Variants in SLC4A4 observed in about 807,000 individuals in gnomAD.
The protein encoded by SLC4A4 is electrogenic sodium bicarbonate cotransporter 1.
In SLC4A4, 27 loss-of-function variants were observed where a neutral mutation model predicts 111.5. That is an observed-to-expected ratio of 0.24 (90% CI 0.18 to 0.33). The LOEUF is 0.33. Ranked by LOEUF, SLC4A4 falls within the 10% of genes least tolerant of loss-of-function variation. The pLI is 1.00. For missense variants in SLC4A4, 909 were observed against 1,315.5 expected (o/e 0.69, Z 4.78); for synonymous variants, 443 against 463.4 (o/e 0.96, Z 0.57).
intron 2 of SLC4A4, among the ~76,000 whole-genome samples, chr4:71,106,764 G>A (rs1171928532): frequency 1.6e-5 from 2 of 125,102 alleles, no homozygotes; most frequent in African/African-American, 3.0e-5. Flanking sequence ...CACACTCTGG[G>A]GACTGTTGTG....
At chr4:71,375,725 G>T (rs529765535) in intron 6 of SLC4A4, among the ~76,000 whole-genome samples, 1 of 152,136 alleles carries the variant, frequency 6.6e-6, no homozygotes, top group African/African-American at 2.4e-5. Flanking sequence ...ACAAACTGTG[G>T]CCTATGTACA....
At chr4:71,302,315 T>G (rs1281159960) in intron 3 of SLC4A4, among the ~76,000 whole-genome samples, 1 of 152,232 alleles carries the variant, frequency 6.6e-6, no homozygotes, top group Non-Finnish European at 1.5e-5. Flanking sequence ...GACAAGTCCC[T>G]TAATGTTTCT....
At chr4:71,490,235 T>G (rs765581965) in intron 15 of SLC4A4, among the ~76,000 whole-genome samples, 1 of 151,852 alleles carries the variant, frequency 6.6e-6, no homozygotes, top group Non-Finnish European at 1.5e-5. Flanking sequence ...TTTCCAGCTC[T>G]CAGAGTGTGA....
At chr4:71,400,850 G>A (rs1213359380) in intron 7 of SLC4A4, among the ~76,000 whole-genome samples, 1 of 151,676 alleles carries the variant, frequency 6.6e-6, no homozygotes, top group Non-Finnish European at 1.5e-5. Flanking sequence ...TTTCTTCTCT[G>A]TTTGGACAGG....
intron 6 of SLC4A4, among the ~76,000 whole-genome samples, chr4:71,367,528 T>C (rs1433591358): frequency 6.6e-6 from 1 of 152,166 alleles, no homozygotes; most frequent in Admixed American, 6.5e-5. Context: ...CACTTAGTTG[T>C]CAAAAGAAAT....
chr4:71,156,573 T>TGTGC (rs1553957302), intron 2 of SLC4A4, among the ~76,000 whole-genome samples: 1 of 85,642 alleles, frequency 1.2e-5, no homozygotes, highest in South Asian at 3.0e-4. Context: ...TGTGCGCGCA[T>TGTGC]GCGCGCGCGC....
chr4:71,138,994 C>CCT (rs1743922025), intron 2 of SLC4A4, among the ~76,000 whole-genome samples: 2 of 142,778 alleles, frequency 1.4e-5, no homozygotes, highest in African/African-American at 5.5e-5. Context: ...AGAGATCGTG[C>CCT]CACTGCACTC....
At position 71,106,317 on chromosome 4, in the gene SLC4A4, T is replaced by C. The variant is rs572769757; in HGVS notation, c.-2+13525T>C. On this transcript the variant is annotated intron_variant, in intron 2 of 26. Transcript: ENST00000649996. ...TGGAGAAATAGGAACACTTTTATAC[T>C]GTTGGTGGGATTGTAAACTAGTTCA... 3.4e-4 allele frequency among the ~76,000 whole-genome samples: 51 copies of C among 151,146 alleles called. No homozygotes were observed. In the South Asian group the frequency reaches 0.01, roughly 30 times the overall value.
At chr4:71,185,808 A>T (rs796506996), upstream of SLC4A4, among the ~76,000 whole-genome samples, 52 of 152,040 alleles carry the variant, frequency 3.4e-4, 1 homozygote, top group African/African-American at 1.2e-3. Context: ...TATAAGCTAT[A>T]GCTTTGTATT....
At chr4:71,280,607 C>T (rs1381791875) in intron 3 of SLC4A4, among the ~76,000 whole-genome samples, 1 of 152,086 alleles carries the variant, frequency 6.6e-6, no homozygotes, top group Non-Finnish European at 1.5e-5. Context: ...TTTTCCCAGC[C>T]TGTAGCTTAT....
chr4:71,125,612 A>G (rs1274988642), intron 2 of SLC4A4, among the ~76,000 whole-genome samples: 1 of 152,250 alleles, frequency 6.6e-6, no homozygotes, highest in Non-Finnish European at 1.5e-5. Context: ...AAAAGATTCA[A>G]AATTATTGAA....
intron 1 of SLC4A4, among the ~76,000 whole-genome samples, chr4:71,216,851 A>G (rs1718460111): frequency 6.6e-6 from 1 of 152,188 alleles, no homozygotes; most frequent in Non-Finnish European, 1.5e-5. Context: ...CGGCATGACA[A>G]TACTAGCTAC....
At chr4:71,384,308 G>T (rs888585706) in intron 6 of SLC4A4, among the ~76,000 whole-genome samples, 1 of 152,160 alleles carries the variant, frequency 6.6e-6, no homozygotes, top group Non-Finnish European at 1.5e-5. Flanking sequence ...CAGCACTTTG[G>T]TCTACAGTGT....
intron 2 of SLC4A4, among the ~76,000 whole-genome samples, chr4:71,152,045 A>T (rs528949897): frequency 2.0e-5 from 3 of 152,210 alleles, no homozygotes; most frequent in Admixed American, 6.5e-5. Context: ...CTTTCAGAAA[A>T]GTTTAAGAAC....
intron 2 of SLC4A4, among the ~76,000 whole-genome samples, chr4:71,102,289 G>A (rs1454765044): frequency 6.7e-5 from 10 of 149,494 alleles, no homozygotes; most frequent in South Asian, 4.4e-4. Context: ...CCAAATCTAC[G>A]TCTGATTGGT....
At position 71,188,660 on chromosome 4, in the gene SLC4A4, T is replaced by C. The variant is rs183696756; in HGVS notation, c.-2+1259T>C. Among the ~76,000 whole-genome samples the C allele has an allele frequency of 3.4e-3, 518 of 152,284 alleles. 1 individual carries two copies. The highest frequency in any genetic ancestry group is 0.012 in the African/African-American group (495 of 41,548). ...CATTGCTCATTTGGGCTTTTTTTTT[T>C]CATTGTGATTTCAGTAGATTCGTCA... On this transcript the variant is annotated intron_variant, in intron 1 of 25. Transcript: ENST00000264485.
intron 6 of SLC4A4, among the ~76,000 whole-genome samples, chr4:71,368,345 T>G (rs1031935150): frequency 6.6e-5 from 10 of 152,146 alleles, no homozygotes; most frequent in Non-Finnish European, 1.3e-4. Flanking sequence ...ATGTTAAAAT[T>G]AAAAGTGAGT....
At chr4:71,210,526 C>G (rs1278744595) in intron 1 of SLC4A4, among the ~76,000 whole-genome samples, 1 of 152,078 alleles carries the variant, frequency 6.6e-6, no homozygotes, top group Non-Finnish European at 1.5e-5. Flanking sequence ...GAAACATTTT[C>G]TTATCGGTTA....
chr4:71,387,490 G>GTATT (rs1218284307), intron 6 of SLC4A4, among the ~76,000 whole-genome samples: 2 of 152,160 alleles, frequency 1.3e-5, no homozygotes, highest in East Asian at 3.9e-4. Context: ...CCTACTTCAA[G>GTATT]TATTTATTTA....
Sources: gnomAD v4.1 joint callset for allele counts (sites outside exome capture counted in the v4.1 genomes callset) on GRCh38, gnomAD v4.1.1 for gene constraint, MANE v1.5 for transcripts, NCBI Gene and HGNC (gene_info 2026-07-23, HGNC 2026-07-21) for gene names.